The following TIMP2 variants were observed in gnomAD, a reference collection of about 807,000 sequenced individuals.
TIMP2 encodes the protein metalloproteinase inhibitor 2.
TIMP2 carries 5 observed loss-of-function variants against 24.3 expected under a neutral mutation model. That is an observed-to-expected ratio of 0.21 (90% CI 0.11 to 0.43). The LOEUF (loss-of-function observed/expected upper bound fraction) is 0.43, where lower values mean the gene tolerates loss of function less well. Among genes scored for constraint, TIMP2 ranks in the 20% least tolerant of loss-of-function variants. The pLI is 1.00. For missense variants in TIMP2, 221 were observed against 297.5 expected, an observed-to-expected ratio of 0.74 and a Z score of 1.89; for synonymous variants, 130 against 123.2, an observed-to-expected ratio of 1.06 and a Z score of -0.37.
chr17:78,925,158 T>A lies in TIMP2; in HGVS notation c.-70A>T, dbSNP rs1387812879. The A allele has an allele frequency of 1.9e-6, 1 of 530,026 alleles. No homozygotes were observed. Among genetic ancestry groups the A allele is most frequent in the Non-Finnish European group, 2.3e-6 (1 of 434,320 alleles). 32.8% of individuals were successfully genotyped at this position (530,026 alleles called of 1,614,324 possible). On this transcript the variant is annotated 5_prime_UTR_variant, in exon 1 of 5. Transcript: ENST00000262768. ...CCGGGCGCTGCTCGCGGCGGCGGGC[T>A]GGGGGCGCGGGCGGGGGCTGAGCCG...
chr17:78,889,340 C>T (rs371030114), intron 1 of TIMP2, among the ~76,000 whole-genome samples: 16 of 152,198 alleles, frequency 1.1e-4, no homozygotes, highest in East Asian at 5.8e-4. Flanking sequence ...ACCCAGGTGC[C>T]GACACCCTTG....
intron 1 of TIMP2, among the ~76,000 whole-genome samples, chr17:78,919,458 G>A (rs2070291493): frequency 6.6e-6 from 1 of 152,152 alleles, no homozygotes; most frequent in South Asian, 2.1e-4. Flanking sequence ...ATGACCAGGG[G>A]TTACGGTCCC....
intron 1 of TIMP2, chr17:78,874,157 T>G: frequency 2.0e-6 from 1 of 490,132 alleles, no homozygotes; most frequent in South Asian, 3.0e-5. Flanking sequence ...CAAGAATCCC[T>G]TCTTTGTTGA....
At chr17:78,890,596 C>T in intron 1 of TIMP2, 1 of 1,525,622 alleles carries the variant, frequency 6.6e-7, no homozygotes, top group Middle Eastern at 1.7e-4. Context: ...GCTGGCAGCA[C>T]CATTATCAGT....
Position 78,924,708 on chromosome 17 carries a change from C to A in TIMP2, c.130+251G>T, listed in dbSNP as rs1451561424. Among the ~76,000 whole-genome samples, 1 of 152,078 alleles carries A rather than the reference C, an allele frequency of 6.6e-6. No homozygotes were observed. Among genetic ancestry groups the A allele is most frequent in the Non-Finnish European group, 1.5e-5 (1 of 67,994 alleles). On this transcript the variant is annotated intron_variant, in intron 1 of 4. Transcript: ENST00000262768. This position sits in a 1 kb window ranked among gnomAD's most constrained non-coding sequence, Gnocchi z 5.3. The stretch of plus-strand genomic sequence containing the variant: ...GCTCCCTTTCCTGGGGCTGGAGCTG[C>A]GGCGGAATTTCGGTGGAATTTTGAG...
rs116394672 is a variant in TIMP2 at position 78,885,106 on chromosome 17, C to T, written c.131-11187G>A. On this transcript the variant is annotated intron_variant, in intron 1 of 4. Coordinates refer to ENST00000262768, the MANE Select transcript of TIMP2 (RefSeq NM_003255.5). ...ACAAGCAACGCTGCTGCTCCCCGTC[C>T]AAGCCTCACGGACCAACAGGGCGAC... Among the ~76,000 whole-genome samples the T allele has an allele frequency of 3.7e-3, 571 of 152,362 alleles. 7 individuals carry two copies. Among genetic ancestry groups the T allele is most frequent in the African/African-American group, 0.013 (537 of 41,592 alleles).
intron 3 of TIMP2, among the ~76,000 whole-genome samples, chr17:78,870,636 G>A (rs148912367): frequency 8.7e-4 from 133 of 152,142 alleles, no homozygotes; most frequent in Admixed American, 3.9e-3. Context: ...TCCCGCACTC[G>A]CCTCCCTTTT....
At chr17:78,886,931 A>T (rs1383618348) in intron 1 of TIMP2, among the ~76,000 whole-genome samples, 1 of 152,164 alleles carries the variant, frequency 6.6e-6, no homozygotes, top group Non-Finnish European at 1.5e-5. Flanking sequence ...TATGTTGCCC[A>T]GGCTGGTCTC....
At chr17:78,911,118 G>A (rs1322027358) in intron 1 of TIMP2, among the ~76,000 whole-genome samples, 1 of 152,152 alleles carries the variant, frequency 6.6e-6, no homozygotes, top group African/African-American at 2.4e-5. Context: ...CCTGAGCTGG[G>A]CCTTTCTGAT....
intron 1 of TIMP2, among the ~76,000 whole-genome samples, chr17:78,912,613 AC>A (rs1470013400): frequency 6.6e-6 from 1 of 152,030 alleles, no homozygotes; most frequent in Non-Finnish European, 1.5e-5. Flanking sequence ...GGAGAATGAC[AC>A]CCTGCAGGTT....
At chr17:78,916,279 G>A (rs1462894197) in intron 1 of TIMP2, among the ~76,000 whole-genome samples, 5 of 152,122 alleles carry the variant, frequency 3.3e-5, no homozygotes, top group Admixed American at 2.6e-4. Context: ...TTTGACCCCC[G>A]CTCACCCTGT....
chr17:78,893,930 C>G (rs1451650107), intron 1 of TIMP2, among the ~76,000 whole-genome samples: 1 of 152,126 alleles, frequency 6.6e-6, no homozygotes, highest in South Asian at 2.1e-4. Flanking sequence ...GATCTGTGAG[C>G]TGCAGGAAAG....
intron 1 of TIMP2, chr17:78,898,719 G>T (rs114844420): frequency 0.016 from 2,376 of 152,530 alleles, 57 homozygotes; most frequent in East Asian, 0.056. Flanking sequence ...TGGGGCCCAA[G>T]ACTCTGCATT....
At chr17:78,921,026 C>T (rs184082466) in intron 1 of TIMP2, among the ~76,000 whole-genome samples, 8 of 152,340 alleles carry the variant, frequency 5.3e-5, no homozygotes, top group Admixed American at 2.6e-4. Flanking sequence ...CTTCGCACAA[C>T]GAGTTGCCAA....
At chr17:78,913,462 G>C (rs2070226659) in intron 1 of TIMP2, among the ~76,000 whole-genome samples, 1 of 152,170 alleles carries the variant, frequency 6.6e-6, no homozygotes, top group Non-Finnish European at 1.5e-5. Flanking sequence ...TGTAATCCCA[G>C]TGCTTTGGGA....
chr17:78,873,656 G>A (rs182282510), intron 2 of TIMP2, among the ~76,000 whole-genome samples, 163 bp downstream of exon 2: 41 of 152,266 alleles, frequency 2.7e-4, no homozygotes, highest in Admixed American at 1.6e-3. Context: ...TCAGGCATTC[G>A]AGGATTAAGG....
intron 1 of TIMP2, among the ~76,000 whole-genome samples, chr17:78,884,957 G>A (rs544332518): frequency 1.6e-4 from 24 of 152,350 alleles, no homozygotes; most frequent in African/African-American, 5.8e-4. Flanking sequence ...CTCAGGGTGG[G>A]GTCACATCCA....
chr17:78,919,707 C>T (rs533862358), intron 1 of TIMP2, among the ~76,000 whole-genome samples: 45 of 152,164 alleles, frequency 3.0e-4, no homozygotes, highest in African/African-American at 8.4e-4. Context: ...TGGTGGCGGG[C>T]ACCTGTAGTC....
At chr17:78,910,102 T>C (rs757215957) in intron 1 of TIMP2, among the ~76,000 whole-genome samples, 1 of 152,218 alleles carries the variant, frequency 6.6e-6, no homozygotes, top group Non-Finnish European at 1.5e-5. Context: ...AGCACAGCCA[T>C]CATCTCAAGC....
Sources: allele counts gnomAD v4.1 joint callset (sites outside exome capture counted in the v4.1 genomes callset), GRCh38; gene constraint gnomAD v4.1.1; non-coding constraint Gnocchi (gnomAD v3.1); transcripts MANE v1.5; gene names NCBI Gene and HGNC (gene_info 2026-07-23, HGNC 2026-07-21).